Variants in CDK5RAP1 observed in about 807,000 individuals in gnomAD.
CDK5RAP1 encodes the protein CDK5RAP1 mitochondrial tRNA methylthiotransferase.
In CDK5RAP1, 62 loss-of-function variants were observed where a neutral mutation model predicts 64.5. That is an observed-to-expected ratio of 0.96 (90% CI 0.78 to 1.19). The LOEUF is 1.19. Among genes scored for constraint, CDK5RAP1 ranks in the 50% most tolerant of loss-of-function variants. The pLI, the probability that CDK5RAP1 is intolerant of heterozygous loss-of-function variation, is 0.00. For synonymous variants in CDK5RAP1, 250 were observed against 261.9 expected (o/e 0.95, Z 0.44); for missense variants, 657 against 735.0 (o/e 0.89, Z 1.23).
At chr20:33,380,070 T>C (rs1006175183) in intron 7 of CDK5RAP1, among the ~76,000 whole-genome samples, 7 of 152,196 alleles carry the variant, frequency 4.6e-5, no homozygotes, top group Non-Finnish European at 1.0e-4. Context: ...ATCAAGCTTT[T>C]ACACCTAACT....
At chr20:33,394,211 G>C in intron 3 of CDK5RAP1, 145 bp from the exon 4 acceptor site, 1 of 560,464 alleles carries the variant, frequency 1.8e-6, no homozygotes, top group South Asian at 2.0e-5. Flanking sequence ...CCAGGCTGGA[G>C]TGCAGTGGGG....
chr20:33,384,189 A>T (rs1344788425), intron 7 of CDK5RAP1, among the ~76,000 whole-genome samples: 2 of 152,236 alleles, frequency 1.3e-5, no homozygotes, highest in East Asian at 3.8e-4. Context: ...ATCTTTAAAA[A>T]TTACTAAACA....
intron 12 of CDK5RAP1, among the ~76,000 whole-genome samples, chr20:33,364,762 C>T (rs552306867): frequency 5.9e-5 from 9 of 152,024 alleles, no homozygotes; most frequent in South Asian, 2.1e-4. Flanking sequence ...TTAGTAGAGA[C>T]GGGGTTTCTC....
At chr20:33,363,662 C>T (rs1795953106) in intron 12 of CDK5RAP1, among the ~76,000 whole-genome samples, 1 of 152,036 alleles carries the variant, frequency 6.6e-6, no homozygotes, top group South Asian at 2.1e-4. Flanking sequence ...CTTTGGGAGG[C>T]TGAGGTAGGA....
intron 5 of CDK5RAP1, among the ~76,000 whole-genome samples, chr20:33,391,271 AAG>A (rs1555811562): frequency 5.3e-5 from 8 of 151,414 alleles, no homozygotes; most frequent in Non-Finnish European, 7.4e-5. Context: ...AAAAAAAAAA[AAG>A]GATGACAGAG....
intron 7 of CDK5RAP1, among the ~76,000 whole-genome samples, chr20:33,384,319 A>G (rs1987144824): frequency 6.6e-6 from 1 of 152,192 alleles, no homozygotes; most frequent in African/African-American, 2.4e-5. Flanking sequence ...TCCTTCTTTT[A>G]TAGGCAAATG....
At chr20:33,376,966 T>C (rs1568698923) in intron 8 of CDK5RAP1, among the ~76,000 whole-genome samples, 2 of 152,204 alleles carry the variant, frequency 1.3e-5, no homozygotes, top group Admixed American at 1.3e-4. Flanking sequence ...AGCATCATTC[T>C]TAAGGGCCCT....
chr20:33,369,488 CAA>C (rs11475585), intron 11 of CDK5RAP1, among the ~76,000 whole-genome samples: 2 of 146,792 alleles, frequency 1.4e-5, no homozygotes, highest in Non-Finnish European at 3.0e-5. Context: ...GACTCCGCCT[CAA>C]AAAAAAAAAG....
intron 6 of CDK5RAP1, 22 bp downstream of exon 6, chr20:33,387,301 T>A: frequency 6.4e-7 from 1 of 1,552,194 alleles, no homozygotes; most frequent in Non-Finnish European, 8.9e-7. Flanking sequence ...GCTTATTCCC[T>A]ATCTCTTAGG....
chr20:33,373,508 TA>T (rs2146625303), intron 9 of CDK5RAP1: 1 of 152,480 alleles, frequency 6.6e-6, no homozygotes, highest in African/African-American at 2.4e-5. Context: ...CTAGACAGAT[TA>T]AACATTTTAG....
chr20:33,388,005 T>C (rs1193411156), intron 5 of CDK5RAP1, among the ~76,000 whole-genome samples: 1 of 151,044 alleles, frequency 6.6e-6, no homozygotes, highest in Admixed American at 6.6e-5. Context: ...GAGGCAGAGG[T>C]TGCGGTGGGC....
intron 4 of CDK5RAP1, 151 bp from the exon 5 acceptor site, chr20:33,392,393 T>C (rs939769951): frequency 9.3e-6 from 4 of 430,224 alleles, no homozygotes; most frequent in African/African-American, 8.0e-5. Context: ...GCAGCCAGGA[T>C]GGCTTTGAAT....
At chr20:33,390,275 A>AG (rs11370401) in intron 5 of CDK5RAP1, among the ~76,000 whole-genome samples, 2,068 of 19,968 alleles carry the variant, frequency 0.1, 24 homozygotes, top group Admixed American at 0.18. Flanking sequence ...CCCTGTCACC[A>AG]AAAAAAAAAA....
intron 5 of CDK5RAP1, among the ~76,000 whole-genome samples, chr20:33,388,446 ATT>A (rs1212288408): frequency 1.3e-5 from 2 of 152,160 alleles, no homozygotes; most frequent in African/African-American, 4.8e-5. Context: ...CCAAGTGTCT[ATT>A]AATGAATGAA....
intron 10 of CDK5RAP1, among the ~76,000 whole-genome samples, chr20:33,371,586 G>A (rs979576797): frequency 6.6e-6 from 1 of 152,042 alleles, no homozygotes; most frequent in Non-Finnish European, 1.5e-5. Context: ...TCAGGAGTTC[G>A]GGACCAGCCT....
intron 5 of CDK5RAP1, among the ~76,000 whole-genome samples, chr20:33,390,701 C>T (rs1225361643): frequency 6.6e-6 from 1 of 152,168 alleles, no homozygotes; most frequent in Non-Finnish European, 1.5e-5. Context: ...GAGGCTTCTA[C>T]AGTGAAGGAA....
intron 13 of CDK5RAP1, 145 bp from the exon 14 acceptor site, chr20:33,359,268 C>G (rs1292711782): frequency 3.2e-6 from 2 of 620,936 alleles, no homozygotes; most frequent in African/African-American, 3.7e-5. Flanking sequence ...TGTGTGCCCC[C>G]GATCCTGGCA....
Position 33,385,772 on chromosome 20 carries a change from T to C in CDK5RAP1, c.756-2A>G. The C allele has an allele frequency of 6.2e-7, 1 of 1,610,980 alleles. No individual in the cohort carries two copies. The highest frequency in any genetic ancestry group is 1.1e-5 in the South Asian group (1 of 90,538). ...TTGTCACAGCCTCGCATGATTGACC[T>C]GGAGAAGAAAGTACCAGAACTTAGT... On this transcript the variant is annotated splice_acceptor_variant, in intron 6 of 13. Transcript: ENST00000346416. LOFTEE classifies it high-confidence loss of function.
chr20:33,360,246 T>C (rs1982641040), intron 13 of CDK5RAP1, 105 bp downstream of exon 13: 1 of 1,156,728 alleles, frequency 8.6e-7, no homozygotes, highest in African/African-American at 1.6e-5. Context: ...AGAGGGGATT[T>C]TTATTTTACT....
Sources: allele counts gnomAD v4.1 joint callset (sites outside exome capture counted in the v4.1 genomes callset), GRCh38; gene constraint gnomAD v4.1.1; transcripts MANE v1.5; gene names NCBI Gene and HGNC (gene_info 2026-07-23, HGNC 2026-07-21).